The following KAZN variants were observed in gnomAD, a reference collection of about 807,000 sequenced individuals.
KAZN encodes the protein kazrin.
KAZN carries 40 observed loss-of-function variants against 87.4 expected under a neutral mutation model. The observed-to-expected ratio is 0.46, with a 90% CI of 0.36 to 0.60. KAZN has a LOEUF of 0.60. Among genes scored for constraint, KAZN ranks in the 20% least tolerant of loss-of-function variants. The pLI, the probability that KAZN is intolerant of heterozygous loss-of-function variation, is 0.00. For synonymous variants in KAZN, 466 were observed against 458.3 expected (o/e 1.02, Z -0.22); for missense variants, 898 against 1,073.9 (o/e 0.84, Z 2.29).
chr1:14,443,850 T>C (rs146988656), intron 2 of KAZN, among the ~76,000 whole-genome samples: 51 of 152,330 alleles, frequency 3.3e-4, no homozygotes, highest in African/African-American at 1.1e-3. Flanking sequence ...TATAGCAGGA[T>C]TGTTCTCCTT....
intron 1 of KAZN, among the ~76,000 whole-genome samples, chr1:14,764,001 G>T (rs150046154): frequency 6.6e-6 from 1 of 152,004 alleles, no homozygotes; most frequent in Admixed American, 6.6e-5. Context: ...CACCCATCTC[G>T]GCCTCCCAAA....
At chr1:15,055,484 AAAAAG>A (rs1674852352) in intron 4 of KAZN, among the ~76,000 whole-genome samples, 1 of 152,026 alleles carries the variant, frequency 6.6e-6, no homozygotes, top group African/African-American at 2.4e-5. Context: ...ACAAAACAAA[AAAAAG>A]GAGTGTTCTT....
intron 6 of KAZN, chr1:15,060,817 C>T (rs1638728345): frequency 6.4e-6 from 1 of 156,056 alleles, no homozygotes; most frequent in Non-Finnish European, 1.4e-5. Context: ...GAGGCAAAGG[C>T]CCTAGCTGCC....
chr1:14,518,448 A>G (rs1671411166), intron 2 of KAZN, among the ~76,000 whole-genome samples: 1 of 152,148 alleles, frequency 6.6e-6, no homozygotes, highest in Non-Finnish European at 1.5e-5. Flanking sequence ...AAGTGTTGGG[A>G]TTATAGACAT....
chr1:14,962,477 G>A (rs537811086), intron 2 of KAZN, among the ~76,000 whole-genome samples: 8 of 152,260 alleles, frequency 5.3e-5, no homozygotes, highest in African/African-American at 9.6e-5. Context: ...GCAGCCACCC[G>A]GCAGTCTAGG....
chr1:13,937,111 A>G (rs2100956378), intron 1 of KAZN, among the ~76,000 whole-genome samples: 1 of 150,280 alleles, frequency 6.7e-6, no homozygotes, highest in East Asian at 1.9e-4. Context: ...CAGTGGTGCA[A>G]TCTCAGCTCA....
At chr1:15,083,864 C>T (rs1428584104) in intron 8 of KAZN, among the ~76,000 whole-genome samples, 22 of 152,206 alleles carry the variant, frequency 1.4e-4, no homozygotes, top group Admixed American at 1.4e-3. Context: ...CAAGCACAGG[C>T]GTTCAAGAAC....
intron 1 of KAZN, among the ~76,000 whole-genome samples, chr1:13,900,992 T>C (rs540681095): frequency 6.6e-6 from 1 of 152,026 alleles, no homozygotes; most frequent in South Asian, 2.1e-4. Context: ...TCTGGTCATG[T>C]CTTCCTGACA....
chr1:14,859,554 A>C (rs1266485135), intron 1 of KAZN, among the ~76,000 whole-genome samples: 1 of 152,140 alleles, frequency 6.6e-6, no homozygotes, highest in Non-Finnish European at 1.5e-5. Context: ...AACTTCTTTC[A>C]TTCACTGCTT....
At chr1:14,795,373 C>T (rs1645799371) in intron 1 of KAZN, among the ~76,000 whole-genome samples, 3 of 152,052 alleles carry the variant, frequency 2.0e-5, no homozygotes, top group Admixed American at 2.0e-4. Context: ...TGGAAATGAG[C>T]ATACGCCTAG....
chr1:14,703,256 G>A (rs1331980503), intron 1 of KAZN, among the ~76,000 whole-genome samples: 4 of 152,162 alleles, frequency 2.6e-5, no homozygotes, highest in African/African-American at 9.7e-5. Flanking sequence ...AGCTGATATG[G>A]TTTGGTAGTG....
chr1:14,510,463 A>G (rs6693252), intron 2 of KAZN, among the ~76,000 whole-genome samples: 25,731 of 152,024 alleles, frequency 0.17, 2,423 homozygotes, highest in Non-Finnish European at 0.22. Flanking sequence ...CCAAATATGC[A>G]TGGGATATAC....
At chr1:14,223,076 G>T (rs2100507972) in intron 2 of KAZN, 1 of 152,296 alleles carries the variant, frequency 6.6e-6, no homozygotes, top group East Asian at 1.9e-4. Context: ...AGACATGGAA[G>T]GTGCATCCCT....
At chr1:15,088,064 G>C (rs1442414724) in intron 8 of KAZN, among the ~76,000 whole-genome samples, 2 of 152,200 alleles carry the variant, frequency 1.3e-5, no homozygotes, top group African/African-American at 2.4e-5. Flanking sequence ...TCTAGGCCAG[G>C]CGTTTCTCTA....
At chr1:14,720,208 G>A (rs918475452) in intron 1 of KAZN, among the ~76,000 whole-genome samples, 9 of 152,314 alleles carry the variant, frequency 5.9e-5, no homozygotes, top group South Asian at 2.1e-4. Context: ...CACCCTTAGC[G>A]CCTACTTGGT....
At chr1:14,127,926 C>T (rs957357915) in intron 1 of KAZN, among the ~76,000 whole-genome samples, 7 of 152,204 alleles carry the variant, frequency 4.6e-5, no homozygotes, top group Admixed American at 2.0e-4. Context: ...GGTCCACTCA[C>T]GATGCTGGGA....
At chr1:14,726,436 G>A (rs192521540) in intron 1 of KAZN, among the ~76,000 whole-genome samples, 21 of 152,310 alleles carry the variant, frequency 1.4e-4, no homozygotes, top group East Asian at 5.8e-4. Flanking sequence ...GTGTGGAGCG[G>A]CTTCCGGGTG....
At chr1:14,412,535 T>C (rs1187263768) in intron 2 of KAZN, among the ~76,000 whole-genome samples, 1 of 152,132 alleles carries the variant, frequency 6.6e-6, no homozygotes, top group East Asian at 1.9e-4. Flanking sequence ...CTATATGCAC[T>C]AGCAATAAAA....
At chr1:14,246,585 C>T (rs1306904377) in intron 2 of KAZN, among the ~76,000 whole-genome samples, 2 of 152,066 alleles carry the variant, frequency 1.3e-5, no homozygotes, top group African/African-American at 4.8e-5. Flanking sequence ...ACACCGTGTA[C>T]TCCTGACCCA....
Sources: allele counts gnomAD v4.1 joint callset (sites outside exome capture counted in the v4.1 genomes callset), GRCh38; gene constraint gnomAD v4.1.1; transcripts MANE v1.5; gene names NCBI Gene and HGNC (gene_info 2026-07-23, HGNC 2026-07-21).